The following NETO1 variants were observed in gnomAD, a reference collection of about 807,000 sequenced individuals.
NETO1 encodes neuropilin and tolloid like 1.
NETO1 carries 26 observed loss-of-function variants against 61.3 expected under a neutral mutation model. The observed-to-expected ratio is 0.42, with a 90% confidence interval of 0.31 to 0.59. NETO1 has a LOEUF of 0.59. NETO1 is among the 20% of genes least tolerant of loss of function. The pLI is 0.12. For missense variants in NETO1, 531 were observed against 662.8 expected, an observed-to-expected ratio of 0.80 and a Z score of 2.18; for synonymous variants, 225 against 225.8, an observed-to-expected ratio of 1.00 and a Z score of 0.03.
At chr18:72,865,134 GA>G (rs1266296085) in intron 2 of NETO1, 53 bp downstream of exon 2, 6 of 1,543,566 alleles carry the variant, frequency 3.9e-6, no homozygotes, top group African/African-American at 2.7e-5. Flanking sequence ...AGGAAAATAG[GA>G]AAATACAAAA....
chr18:72,781,974 G>T (rs1475145486), intron 7 of NETO1, among the ~76,000 whole-genome samples: 2 of 151,972 alleles, frequency 1.3e-5, no homozygotes, highest in Non-Finnish European at 2.9e-5. Context: ...ACCCAACAGG[G>T]GTACTATGGT....
intron 4 of NETO1, among the ~76,000 whole-genome samples, chr18:72,807,838 T>C (rs1050462567): frequency 3.3e-5 from 5 of 152,158 alleles, no homozygotes; most frequent in African/African-American, 4.8e-5. Context: ...TTGTTGTATG[T>C]TGCTGTTGCT....
rs1280903563 is a variant in NETO1, at chr18:72,748,172, TA to T, written c.*15-9del. ...TGTATAAATAGTTCTTCTCTGAAAA[TA>T]AAAAACAGTTAAAACATTTTCTCCC... is the stretch of plus-strand genomic sequence containing the variant. On this transcript the variant is annotated splice_polypyrimidine_tract_variant and intron_variant, in intron 10 of 10. Coordinates refer to ENST00000327305, the MANE Select transcript of NETO1 (RefSeq NM_138966.5). 3 of 982,510 alleles carry T rather than the reference TA, an allele frequency of 3.1e-6. No individual in the cohort carries two copies. The highest frequency in any genetic ancestry group is 3.6e-6 in the Non-Finnish European group (3 of 827,030). The allele number at this position is 982,510 out of a possible 1,614,324, so 60.9% of individuals were successfully genotyped here. A position where few individuals can be genotyped will look rare whatever the true frequency, so the allele number is the denominator to read the frequency against.
chr18:72,763,794 A>G (rs1224499106), intron 7 of NETO1, among the ~76,000 whole-genome samples: 3 of 152,192 alleles, frequency 2.0e-5, no homozygotes, highest in Admixed American at 6.5e-5. Context: ...AGCTTGGAGT[A>G]TGTATTAGTC....
chr18:72,827,873 A>G (rs2073435870), intron 4 of NETO1, among the ~76,000 whole-genome samples: 1 of 152,244 alleles, frequency 6.6e-6, no homozygotes, highest in Admixed American at 6.5e-5. Flanking sequence ...TCCAAAGGGA[A>G]GCTGGGCTTG....
intron 4 of NETO1, among the ~76,000 whole-genome samples, chr18:72,847,430 C>T (rs1399189930): frequency 6.6e-6 from 1 of 152,192 alleles, no homozygotes; most frequent in Non-Finnish European, 1.5e-5. Flanking sequence ...GAACAGACAG[C>T]ATAGCTCTTT....
chr18:72,856,036 T>C (rs955853374), intron 4 of NETO1, among the ~76,000 whole-genome samples: 1 of 152,238 alleles, frequency 6.6e-6, no homozygotes, highest in Non-Finnish European at 1.5e-5. Context: ...ATTTAGTATG[T>C]ATACATATGT....
At chr18:72,763,158 T>C (rs2000725) in intron 7 of NETO1, among the ~76,000 whole-genome samples, 47,061 of 151,066 alleles carry the variant, frequency 0.31, 8,199 homozygotes, top group South Asian at 0.48. Flanking sequence ...TCCAGAAATC[T>C]GCTAAATAAT....
At chr18:72,826,898 A>C (rs1277696048) in intron 4 of NETO1, among the ~76,000 whole-genome samples, 2 of 152,118 alleles carry the variant, frequency 1.3e-5, no homozygotes, top group Non-Finnish European at 2.9e-5. Context: ...ACTGAGCTGA[A>C]GCACTGAAGA....
At chr18:72,867,229 C>T (rs369686404) in intron 1 of NETO1, 35 bp downstream of exon 1, 53 of 1,516,604 alleles carry the variant, frequency 3.5e-5, no homozygotes, top group East Asian at 7.7e-5. Context: ...GGGCTGGCTC[C>T]GGGAGCGCAC....
intron 4 of NETO1, among the ~76,000 whole-genome samples, chr18:72,797,626 A>T (rs143934302): frequency 6.6e-6 from 1 of 152,296 alleles, no homozygotes; most frequent in East Asian, 1.9e-4. Flanking sequence ...CTACTTAGCA[A>T]CCTAAATAAA....
chr18:72,823,389 G>C (rs1306181511), intron 4 of NETO1, among the ~76,000 whole-genome samples: 1 of 152,098 alleles, frequency 6.6e-6, no homozygotes, highest in Non-Finnish European at 1.5e-5. Context: ...AGCGGAGCAG[G>C]GGAAGGCAGA....
intron 6 of NETO1, among the ~76,000 whole-genome samples, chr18:72,789,210 G>GCGCACACACACA (rs1555687344): frequency 7.1e-6 from 1 of 141,460 alleles, no homozygotes; most frequent in Admixed American, 7.1e-5. Context: ...TAACACACAA[G>GCGCACACACACA]CACACACACA....
chr18:72,820,273 T>G (rs1420375283), intron 4 of NETO1, among the ~76,000 whole-genome samples: 1 of 152,198 alleles, frequency 6.6e-6, no homozygotes, highest in Non-Finnish European at 1.5e-5. Context: ...CAGATAAAAT[T>G]TATAAGCACG....
chr18:72,834,773 T>C, intron 4 of NETO1: 1 of 984,958 alleles, frequency 1.0e-6, no homozygotes, highest in South Asian at 4.7e-5. Context: ...TAATTCCCAG[T>C]CCATGGCGAT....
At chr18:72,779,924 C>T (rs895359963) in intron 7 of NETO1, among the ~76,000 whole-genome samples, 8 of 152,244 alleles carry the variant, frequency 5.3e-5, no homozygotes, top group Middle Eastern at 3.4e-3. Flanking sequence ...TCCTGGTTCA[C>T]GGATGAAACG....
At chr18:72,755,789 A>T (rs1476013764) in intron 8 of NETO1, among the ~76,000 whole-genome samples, 1 of 152,110 alleles carries the variant, frequency 6.6e-6, no homozygotes, top group Non-Finnish European at 1.5e-5. Context: ...GGCTCTAATA[A>T]GGTGATGTCT....
At chr18:72,784,510 AATT>A (rs2071849129) in intron 6 of NETO1, among the ~76,000 whole-genome samples, 4 of 152,216 alleles carry the variant, frequency 2.6e-5, no homozygotes. Flanking sequence ...CATAAATAAA[AATT>A]ATGAGTAAAA....
At position 72,830,171 on chromosome 18, in the gene NETO1, C is replaced by T. The variant is rs1054174454; in HGVS notation, c.469+28655G>A. Among the ~76,000 whole-genome samples the T allele has an allele frequency of 1.3e-5, 2 of 151,990 alleles. No individual in the cohort carries two copies. The highest frequency in any genetic ancestry group is 6.6e-5 in the Admixed American group (1 of 15,236). On this transcript the variant is annotated intron_variant, in intron 4 of 10. Transcript: ENST00000327305. The surrounding 1 kb of genome is among the most constrained non-coding windows in gnomAD (Gnocchi z 4.9). ...CATCATAGAGGATCATGCATGTAAGCCGTCCACAGCATAGAGGAAGCGGCG... is the reference window on the plus strand; with the variant it reads ...CATCATAGAGGATCATGCATGTAAGTCGTCCACAGCATAGAGGAAGCGGCG...
Sources: gnomAD v4.1 joint callset for allele counts (sites outside exome capture counted in the v4.1 genomes callset) on GRCh38, gnomAD v4.1.1 for gene constraint, Gnocchi (gnomAD v3.1) non-coding constraint, MANE v1.5 for transcripts, NCBI Gene and HGNC (gene_info 2026-07-23, HGNC 2026-07-21) for gene names.